Variants in LSAMP observed in about 807,000 individuals in gnomAD.
The protein encoded by LSAMP is limbic system associated membrane protein, also known as limbic system-associated membrane protein.
LSAMP carries 7 observed loss-of-function variants against 38.6 expected under a neutral mutation model. The observed-to-expected ratio is 0.18, with a 90% confidence interval of 0.10 to 0.34. The LOEUF is 0.34. LSAMP is among the 10% of genes least tolerant of loss of function. The pLI is 1.00. For synonymous variants in LSAMP, 154 were observed against 166.8 expected, an observed-to-expected ratio of 0.92 and a Z score of 0.59; for missense variants, 313 against 420.0, an observed-to-expected ratio of 0.75 and a Z score of 2.23.
chr3:116,132,748 T>A (rs996350426), intron 1 of LSAMP, among the ~76,000 whole-genome samples: 1 of 152,248 alleles, frequency 6.6e-6, no homozygotes, highest in African/African-American at 2.4e-5. Flanking sequence ...AACTTTTAAA[T>A]TTTTAAACAA....
chr3:116,102,785 A>ATCTATCTATCTATCTATATATCTG (rs562864883), intron 1 of LSAMP, among the ~76,000 whole-genome samples: 19 of 151,692 alleles, frequency 1.3e-4, no homozygotes, highest in Admixed American at 8.5e-4. Context: ...CTATCTATCT[A>ATCTATCTATCTATCTATATATCTG]TCTGTCTGTC....
intron 1 of LSAMP, among the ~76,000 whole-genome samples, chr3:116,192,552 A>C (rs545332387): frequency 1.3e-5 from 2 of 152,280 alleles, no homozygotes; most frequent in South Asian, 4.1e-4. Context: ...CTCCCAATAC[A>C]CTGGTGGGAA....
chr3:115,890,853 T>C (rs1310762639), intron 3 of LSAMP, among the ~76,000 whole-genome samples: 1 of 151,876 alleles, frequency 6.6e-6, no homozygotes, highest in Non-Finnish European at 1.5e-5. Context: ...ATCCTAGATA[T>C]ATAGAGATAT....
chr3:116,424,648 T>C (rs912376222), intron 1 of LSAMP, among the ~76,000 whole-genome samples: 2 of 152,066 alleles, frequency 1.3e-5, no homozygotes, highest in African/African-American at 4.8e-5. Context: ...AGAGAGGACA[T>C]AGTGTGGATT....
chr3:115,971,889 T>C (rs1005717330), intron 3 of LSAMP, among the ~76,000 whole-genome samples: 4 of 152,138 alleles, frequency 2.6e-5, no homozygotes, highest in Non-Finnish European at 5.9e-5. Flanking sequence ...ATAAAGTAGA[T>C]TCCATTCTTA....
At chr3:116,245,798 A>G (rs2046598610) in intron 1 of LSAMP, among the ~76,000 whole-genome samples, 1 of 152,232 alleles carries the variant, frequency 6.6e-6, no homozygotes, top group African/African-American at 2.4e-5. Context: ...TTTTGATTCT[A>G]AGGAAAGAGA....
chr3:116,128,460 T>C (rs972605547), intron 1 of LSAMP, among the ~76,000 whole-genome samples: 3 of 152,188 alleles, frequency 2.0e-5, no homozygotes, highest in Non-Finnish European at 4.4e-5. Context: ...CACATTCCCA[T>C]ACTATATCCA....
intron 3 of LSAMP, among the ~76,000 whole-genome samples, chr3:115,900,282 A>G (rs566191762): frequency 3.6e-4 from 55 of 152,246 alleles, no homozygotes; most frequent in African/African-American, 1.3e-3. Context: ...TGGGAGCCCA[A>G]TGTGGGTGGA....
At chr3:116,383,069 C>A (rs1286498964) in intron 1 of LSAMP, among the ~76,000 whole-genome samples, 1 of 152,102 alleles carries the variant, frequency 6.6e-6, no homozygotes, top group Non-Finnish European at 1.5e-5. Flanking sequence ...GGGATCTGAG[C>A]CCTTCACTAC....
chr3:116,025,456 G>T (rs1940764014), intron 2 of LSAMP, among the ~76,000 whole-genome samples: 2 of 151,960 alleles, frequency 1.3e-5, no homozygotes, highest in African/African-American at 4.8e-5. Flanking sequence ...CTTTGTTGTT[G>T]TATCTATTGA....
intron 1 of LSAMP, among the ~76,000 whole-genome samples, chr3:116,389,094 G>A (rs1359707230): frequency 6.6e-6 from 1 of 152,172 alleles, no homozygotes; most frequent in East Asian, 1.9e-4. Context: ...GGAGGGATGG[G>A]AAAAAGGTTT....
chr3:116,438,516 T>C (rs781330684), intron 1 of LSAMP, among the ~76,000 whole-genome samples: 33 of 152,216 alleles, frequency 2.2e-4, no homozygotes, highest in Non-Finnish European at 4.1e-4. Flanking sequence ...GGCTTTTCTA[T>C]AAGTTTCAAC....
chr3:116,264,470 C>T (rs148915615), intron 1 of LSAMP, among the ~76,000 whole-genome samples: 2,715 of 152,214 alleles, frequency 0.018, 34 homozygotes, highest in Non-Finnish European at 0.024. Flanking sequence ...CTTCTGAGGC[C>T]AGACTCTCTG....
At chr3:116,031,733 T>C (rs1940930503) in intron 2 of LSAMP, among the ~76,000 whole-genome samples, 1 of 151,956 alleles carries the variant, frequency 6.6e-6, no homozygotes, top group African/African-American at 2.4e-5. Flanking sequence ...GCCCAGAAGA[T>C]AGAATATTTA....
At chr3:115,931,511 C>T (rs750913069) in intron 3 of LSAMP, among the ~76,000 whole-genome samples, 3 of 152,128 alleles carry the variant, frequency 2.0e-5, no homozygotes, top group Non-Finnish European at 4.4e-5. Flanking sequence ...GGTCAGACTG[C>T]AGGTACAAAT....
chr3:116,248,072 C>T (rs545098134), intron 1 of LSAMP, among the ~76,000 whole-genome samples: 1 of 152,220 alleles, frequency 6.6e-6, no homozygotes, highest in South Asian at 2.1e-4. Flanking sequence ...TAGCAGTTAC[C>T]AGACTCTGTG....
intron 1 of LSAMP, among the ~76,000 whole-genome samples, chr3:116,314,819 A>G (rs1486151874): frequency 6.6e-6 from 1 of 152,166 alleles, no homozygotes; most frequent in East Asian, 1.9e-4. Context: ...CTAAGAATGA[A>G]ACATTTTTCT....
chr3:116,412,419 G>A (rs2048992295), intron 1 of LSAMP, among the ~76,000 whole-genome samples: 1 of 152,038 alleles, frequency 6.6e-6, no homozygotes, highest in Admixed American at 6.6e-5. Flanking sequence ...CTTTACTCAT[G>A]ATTCTTTCTA....
At chr3:116,168,824 C>G (rs944773427) in intron 1 of LSAMP, among the ~76,000 whole-genome samples, 6 of 152,160 alleles carry the variant, frequency 3.9e-5, no homozygotes, top group Non-Finnish European at 8.8e-5. Context: ...AAGCACAGTA[C>G]AGTTCATTAT....
Sources: gnomAD v4.1 joint callset for allele counts (sites outside exome capture counted in the v4.1 genomes callset) on GRCh38, gnomAD v4.1.1 for gene constraint, MANE v1.5 for transcripts, NCBI Gene and HGNC (gene_info 2026-07-23, HGNC 2026-07-21) for gene names.